Variants in CCDC7 observed in about 807,000 individuals in gnomAD.
CCDC7 encodes coiled-coil domain containing 7.
CCDC7 carries 183 observed loss-of-function variants against 196.9 expected under a neutral mutation model. The observed-to-expected ratio is 0.93, with a 90% CI of 0.82 to 1.05. CCDC7 has a LOEUF of 1.05. CCDC7 is among the 50% of genes least tolerant of loss of function. CCDC7 has a pLI of 0.00. For synonymous variants in CCDC7, 525 were observed against 484.6 expected, an observed-to-expected ratio of 1.08 and a Z score of -1.10; for missense variants, 1,540 against 1,482.2, an observed-to-expected ratio of 1.04 and a Z score of -0.64.
intron 11 of CCDC7, among the ~76,000 whole-genome samples, chr10:32,524,194 A>C (rs2048327137): frequency 6.6e-6 from 1 of 151,390 alleles, no homozygotes; most frequent in Admixed American, 6.6e-5. Flanking sequence ...TGCAAGTACT[A>C]TCTTATAACC....
chr10:32,662,727 G>A (rs1460971345), intron 20 of CCDC7, among the ~76,000 whole-genome samples: 1 of 152,106 alleles, frequency 6.6e-6, no homozygotes. Flanking sequence ...TCTTTTGTCT[G>A]GCATGGAAAT....
At chr10:32,450,849 C>G (rs1041192239), upstream of CCDC7, among the ~76,000 whole-genome samples, 9 of 152,254 alleles carry the variant, frequency 5.9e-5, no homozygotes, top group African/African-American at 1.9e-4. Context: ...TCTCTCGTTG[C>G]TTCTGGCTTC....
intron 24 of CCDC7, among the ~76,000 whole-genome samples, chr10:32,710,798 A>G (rs770519837): frequency 2.6e-5 from 4 of 152,190 alleles, no homozygotes; most frequent in Non-Finnish European, 5.9e-5. Flanking sequence ...GCTCACAGTC[A>G]TTTGTTACCA....
intron 24 of CCDC7, among the ~76,000 whole-genome samples, chr10:32,698,155 A>G (rs939938244): frequency 2.0e-5 from 3 of 152,142 alleles, no homozygotes; most frequent in Non-Finnish European, 4.4e-5. Context: ...AATGGCATCA[A>G]TATCAACAAA....
At chr10:32,717,429 G>A (rs893855417) in intron 25 of CCDC7, among the ~76,000 whole-genome samples, 1 of 152,030 alleles carries the variant, frequency 6.6e-6, no homozygotes, top group Non-Finnish European at 1.5e-5. Context: ...TGAGAAAGTG[G>A]GAAAGACCTA....
At chr10:32,799,432 T>A (rs1288460782) in intron 29 of CCDC7, among the ~76,000 whole-genome samples, 1 of 152,178 alleles carries the variant, frequency 6.6e-6, no homozygotes, top group East Asian at 1.9e-4. Context: ...CAGAGCCTTC[T>A]CCTGTTCTGG....
chr10:32,576,545 G>GTTTT (rs1294596357), intron 16 of CCDC7, among the ~76,000 whole-genome samples: 2 of 142,522 alleles, frequency 1.4e-5, no homozygotes, highest in East Asian at 4.1e-4. Flanking sequence ...TGGCCTGTGT[G>GTTTT]TCTTTTTTTT....
At chr10:32,657,807 A>G (rs1380559683) in intron 20 of CCDC7, among the ~76,000 whole-genome samples, 1 of 152,188 alleles carries the variant, frequency 6.6e-6, no homozygotes, top group African/African-American at 2.4e-5. Flanking sequence ...GTATTGCATC[A>G]TCAGGCTGCA....
At chr10:32,711,715 G>A (rs777245208) in exon 25 of CCDC7, 10 of 1,568,998 alleles carry the variant, frequency 6.4e-6, no homozygotes, top group Non-Finnish European at 8.7e-6. Context: ...AACTTCTGAA[G>A]GAGAAGGACG....
At chr10:32,850,666 G>A (rs1406937436) in intron 39 of CCDC7, among the ~76,000 whole-genome samples, 1 of 152,092 alleles carries the variant, frequency 6.6e-6, no homozygotes, top group Non-Finnish European at 1.5e-5. Flanking sequence ...TTTGGCATCA[G>A]TGCCAAAGAC....
At chr10:32,862,388 G>A (rs1465121180) in intron 41 of CCDC7, among the ~76,000 whole-genome samples, 1 of 151,528 alleles carries the variant, frequency 6.6e-6, no homozygotes, top group Non-Finnish European at 1.5e-5. Flanking sequence ...GACACAGGGA[G>A]GGGAACATCA....
intron 9 of CCDC7, among the ~76,000 whole-genome samples, chr10:32,499,810 C>G (rs978974647): frequency 2.0e-5 from 3 of 151,890 alleles, no homozygotes; most frequent in South Asian, 2.1e-4. Context: ...TGACTCTTAA[C>G]GAGTATGCTG....
At chr10:32,613,372 T>G (rs1314613484) in intron 18 of CCDC7, among the ~76,000 whole-genome samples, 1 of 149,770 alleles carries the variant, frequency 6.7e-6, no homozygotes, top group African/African-American at 2.4e-5. Flanking sequence ...GCTCCTGGAT[T>G]CATTGATTTT....
chr10:32,788,397 A>G (rs2082184329), intron 29 of CCDC7, among the ~76,000 whole-genome samples: 2 of 152,200 alleles, frequency 1.3e-5, no homozygotes, highest in Non-Finnish European at 2.9e-5. Flanking sequence ...CATCAAATCC[A>G]GCCTCAGATT....
chr10:32,456,749 C>T (rs897092265), intron 3 of CCDC7, among the ~76,000 whole-genome samples: 1 of 152,054 alleles, frequency 6.6e-6, no homozygotes, highest in Non-Finnish European at 1.5e-5. Flanking sequence ...TGGTTTAGTA[C>T]CATAAGCCTT....
At chr10:32,672,321 C>G (rs12220236) in intron 21 of CCDC7, among the ~76,000 whole-genome samples, 1 of 152,166 alleles carries the variant, frequency 6.6e-6, no homozygotes, top group South Asian at 2.1e-4. Flanking sequence ...AAACCAGTGT[C>G]TGGAGCATGG....
chr10:32,681,747 AC>A lies in CCDC7; in HGVS notation c.2123-4222del, dbSNP rs1194185877. Among the ~76,000 whole-genome samples the A allele has an allele frequency of 4.8e-3, 524 of 110,202 alleles. 4 individuals are homozygous for A. Among genetic ancestry groups the A allele is most frequent in the African/African-American group, 0.014 (503 of 36,122 alleles). 72.3% of individuals were successfully genotyped at this position (110,202 alleles called of 152,430 possible). On this transcript the variant is annotated intron_variant, in intron 21 of 41. Coordinates refer to ENST00000639629, the Ensembl canonical transcript of CCDC7. Reference sequence around the variant, plus strand: ...AGTGTATTTATATGTATACACACACACACACACACACACACACACACACACA... The same window carrying A: ...AGTGTATTTATATGTATACACACACAACACACACACACACACACACACACA...
intron 16 of CCDC7, among the ~76,000 whole-genome samples, chr10:32,581,074 A>G (rs2058690442): frequency 1.3e-5 from 2 of 152,128 alleles, no homozygotes; most frequent in South Asian, 4.1e-4. Flanking sequence ...GAGTTAACAA[A>G]TGCTTTTGCA....
At chr10:32,816,712 AC>A (rs2088669651) in intron 31 of CCDC7, among the ~76,000 whole-genome samples, 1 of 152,178 alleles carries the variant, frequency 6.6e-6, no homozygotes, top group Non-Finnish European at 1.5e-5. Flanking sequence ...CGCTGCTGAT[AC>A]CCAGGCAAAC....
Sources: allele counts gnomAD v4.1 joint callset (sites outside exome capture counted in the v4.1 genomes callset), GRCh38; gene constraint gnomAD v4.1.1; transcripts MANE v1.5; gene names NCBI Gene and HGNC (gene_info 2026-07-23, HGNC 2026-07-21).